NXPE2: variants seen among roughly 807,000 people sequenced by gnomAD.
The protein encoded by NXPE2 is NXPE family member 2.
A neutral mutation model predicts 34.4 loss-of-function variants in NXPE2; 34 were observed. The observed-to-expected ratio is 0.99, with a 90% CI of 0.75 to 1.31. The LOEUF (loss-of-function observed/expected upper bound fraction) is 1.31, where lower values mean the gene tolerates loss of function less well. NXPE2 is among the 40% of genes most tolerant of loss of function. The pLI is 0.00. For synonymous variants in NXPE2, 235 were observed against 231.3 expected (o/e 1.02, Z -0.15); for missense variants, 649 against 672.5 (o/e 0.97, Z 0.39).
the NXPE2 span, among the ~76,000 whole-genome samples, chr11:114,494,301 G>T: frequency 0.58 from 88,403 of 151,964 alleles, 26,422 homozygotes; most frequent in African/African-American, 0.72. Context: ...CCCCTATCTC[G>T]TTATCCACCT....
At chr11:114,683,425 G>GTTTTTT (rs35515592) in intron 2 of NXPE2, among the ~76,000 whole-genome samples, 2 of 144,642 alleles carry the variant, frequency 1.4e-5, no homozygotes, top group Admixed American at 1.4e-4. Flanking sequence ...TAGAGTCAAA[G>GTTTTTT]TTTTTTTTTT....
At chr11:114,542,245 T>C in the NXPE2 span, among the ~76,000 whole-genome samples, 1 of 152,060 alleles carries the variant, frequency 6.6e-6, no homozygotes, top group Non-Finnish European at 1.5e-5. Flanking sequence ...TTTAAGAAAA[T>C]CAAGGAAAGA....
chr11:114,631,162 C>T, the NXPE2 span, among the ~76,000 whole-genome samples: 1 of 152,000 alleles, frequency 6.6e-6, no homozygotes, highest in Non-Finnish European at 1.5e-5. Context: ...ACCCAGCCAT[C>T]CCATTACTGG....
chr11:114,693,141 A>C (rs993683835), intron 2 of NXPE2, among the ~76,000 whole-genome samples: 1 of 152,188 alleles, frequency 6.6e-6, no homozygotes, highest in Non-Finnish European at 1.5e-5. Context: ...TGTGGTGCAC[A>C]CTTTGCCTTT....
At chr11:114,697,902 C>G in intron 2 of NXPE2, 143 bp from the exon 3 acceptor site, 1 of 798,464 alleles carries the variant, frequency 1.3e-6, no homozygotes, top group Non-Finnish European at 1.8e-6. Context: ...TCTGAAGATT[C>G]CATAACTGAA....
At chr11:114,490,202 A>C in the NXPE2 span, among the ~76,000 whole-genome samples, 1 of 152,188 alleles carries the variant, frequency 6.6e-6, no homozygotes, top group Non-Finnish European at 1.5e-5. Context: ...CAATGAAATA[A>C]AAGAGGATAC....
the NXPE2 span, among the ~76,000 whole-genome samples, chr11:114,717,057 T>A: frequency 2.6e-5 from 4 of 152,238 alleles, no homozygotes; most frequent in African/African-American, 9.6e-5. Flanking sequence ...CTGTAATGCC[T>A]AAATTATTTA....
At chr11:114,611,283 T>C in the NXPE2 span, among the ~76,000 whole-genome samples, 1 of 151,646 alleles carries the variant, frequency 6.6e-6, no homozygotes, top group Non-Finnish European at 1.5e-5. Flanking sequence ...ACCCTGTCGA[T>C]AATAAGTGTT....
chr11:114,726,153 G>A, the NXPE2 span, among the ~76,000 whole-genome samples: 5 of 151,544 alleles, frequency 3.3e-5, no homozygotes, highest in African/African-American at 9.7e-5. Context: ...TGTGTTGACA[G>A]TTGTTTTCCT....
At chr11:114,527,709 T>G in the NXPE2 span, 1 of 572,206 alleles carries the variant, frequency 1.7e-6, no homozygotes, top group Non-Finnish European at 3.0e-6. Context: ...ATTTCTCCCT[T>G]TAAAGTCCAG....
the NXPE2 span, among the ~76,000 whole-genome samples, chr11:114,608,772 G>C: frequency 6.6e-6 from 1 of 151,608 alleles, no homozygotes; most frequent in African/African-American, 2.4e-5. Flanking sequence ...CTGCCTCATG[G>C]ATAACCACGG....
the NXPE2 span, among the ~76,000 whole-genome samples, chr11:114,491,139 G>A: frequency 0.011 from 1,408 of 127,148 alleles, 52 homozygotes; most frequent in African/African-American, 0.044. Flanking sequence ...TCCGCAGTCC[G>A]GCCTGGGCGA....
chr11:114,709,346 A>C (rs1351188005), downstream of NXPE2, among the ~76,000 whole-genome samples: 2 of 152,214 alleles, frequency 1.3e-5, no homozygotes, highest in Non-Finnish European at 2.9e-5. Context: ...TAAAAAACAA[A>C]AAAAATCACC....
intron 2 of NXPE2, among the ~76,000 whole-genome samples, chr11:114,695,314 G>C (rs564165775): frequency 1.3e-5 from 2 of 152,252 alleles, no homozygotes; most frequent in Admixed American, 1.3e-4. Flanking sequence ...GCATTCTGTA[G>C]TACTGTGATT....
At chr11:114,642,102 T>A in the NXPE2 span, among the ~76,000 whole-genome samples, 1 of 152,048 alleles carries the variant, frequency 6.6e-6, no homozygotes, top group African/African-American at 2.4e-5. Flanking sequence ...TGGAAAAGGC[T>A]GGCAAACACT....
At chr11:114,537,071 G>C in the NXPE2 span, among the ~76,000 whole-genome samples, 1 of 152,056 alleles carries the variant, frequency 6.6e-6, no homozygotes, top group Non-Finnish European at 1.5e-5. Context: ...ACATCAAAAA[G>C]CTTATCCACC....
intron 3 of NXPE2, among the ~76,000 whole-genome samples, chr11:114,701,889 T>C (rs1951371898): frequency 6.6e-6 from 1 of 152,178 alleles, no homozygotes; most frequent in African/African-American, 2.4e-5. Flanking sequence ...ACTTTTCACA[T>C]ACTTGGGTTC....
chr11:114,782,268 C>T, the NXPE2 span, among the ~76,000 whole-genome samples: 52,302 of 152,036 alleles, frequency 0.34, 10,049 homozygotes, highest in Non-Finnish European at 0.43. Context: ...GTATCTATTC[C>T]GCAAGGCAGC....
chr11:114,604,723 C>A, the NXPE2 span, among the ~76,000 whole-genome samples: 10 of 151,932 alleles, frequency 6.6e-5, no homozygotes, highest in Admixed American at 4.6e-4. Flanking sequence ...TGTGGGTAAC[C>A]ACTGTTACTC....
Sources: gnomAD v4.1 joint callset for allele counts (sites outside exome capture counted in the v4.1 genomes callset) on GRCh38, gnomAD v4.1.1 for gene constraint, MANE v1.5 for transcripts, NCBI Gene and HGNC (gene_info 2026-07-23, HGNC 2026-07-21) for gene names.